CECR2: variants seen among roughly 807,000 people sequenced by gnomAD.
CECR2 encodes the protein chromatin remodeling regulator CECR2.
CECR2 carries 30 observed loss-of-function variants against 154.5 expected under a neutral mutation model. The ratio of observed to expected loss-of-function variants is 0.19; its 90% CI spans 0.15 to 0.26. The LOEUF (loss-of-function observed/expected upper bound fraction) is 0.26, where lower values mean the gene tolerates loss of function less well. Among genes scored for constraint, CECR2 ranks in the 10% least tolerant of loss-of-function variants. The pLI is 1.00. For missense variants in CECR2, 1,743 were observed against 1,829.3 expected, an observed-to-expected ratio of 0.95 and a Z score of 0.86; for synonymous variants, 725 against 683.7, an observed-to-expected ratio of 1.06 and a Z score of -0.94.
At chr22:17,537,925 TG>T in intron 10 of CECR2, among the ~76,000 whole-genome samples, 1 of 145,532 alleles carries the variant, frequency 6.9e-6, no homozygotes, top group Non-Finnish European at 1.5e-5. Flanking sequence ...ACTCAGGAGG[TG>T]GGGGTTGCAG....
chr22:17,535,494 T>TA (rs2056424777), intron 9 of CECR2, among the ~76,000 whole-genome samples: 2 of 152,190 alleles, frequency 1.3e-5, no homozygotes, highest in Admixed American at 6.5e-5. Context: ...ACTTTGTTGA[T>TA]ACTATTGTTT....
At chr22:17,537,048 G>A (rs2056447715) in intron 9 of CECR2, 55 bp from the exon 10 acceptor site, 13 of 1,597,432 alleles carry the variant, frequency 8.1e-6, no homozygotes, top group South Asian at 5.6e-5. Context: ...GAAGGAACAC[G>A]CCATGTCAGT....
At chr22:17,370,859 C>G (rs1337013275) in intron 1 of CECR2, among the ~76,000 whole-genome samples, 5 of 152,200 alleles carry the variant, frequency 3.3e-5, no homozygotes, top group African/African-American at 1.2e-4. Flanking sequence ...GATTGGTTGG[C>G]AGGTTGAATT....
intron 1 of CECR2, among the ~76,000 whole-genome samples, chr22:17,389,829 T>C (rs899925680): frequency 8.5e-5 from 13 of 152,082 alleles, no homozygotes; most frequent in Admixed American, 7.2e-4. Context: ...GGTTTTGCCA[T>C]GTTAGCCAGG....
At chr22:17,499,121 C>T (rs906673939) in intron 3 of CECR2, among the ~76,000 whole-genome samples, 1 of 152,078 alleles carries the variant, frequency 6.6e-6, no homozygotes, top group Admixed American at 6.6e-5. Context: ...TCCCGAGTAG[C>T]TGGGATTACA....
chr22:17,456,118 G>A (rs1425481631), intron 1 of CECR2, among the ~76,000 whole-genome samples: 1 of 150,930 alleles, frequency 6.6e-6, no homozygotes, highest in African/African-American at 2.5e-5. Flanking sequence ...ACCCCTACAT[G>A]TTTAGTCAAT....
intron 2 of CECR2, among the ~76,000 whole-genome samples, chr22:17,480,063 A>G (rs775716721): frequency 4.6e-5 from 7 of 152,094 alleles, no homozygotes; most frequent in Non-Finnish European, 8.8e-5. Context: ...CCTTGCCCCT[A>G]CAAGTATTTA....
chr22:17,477,060 G>C (rs1241598762), intron 1 of CECR2: 1 of 712,274 alleles, frequency 1.4e-6, no homozygotes, highest in South Asian at 1.5e-5. Context: ...TGTAGGTGTG[G>C]CATCCCAAAA....
chr22:17,427,672 T>C (rs1281388196), intron 1 of CECR2, among the ~76,000 whole-genome samples: 3 of 152,026 alleles, frequency 2.0e-5, no homozygotes, highest in Non-Finnish European at 4.4e-5. Context: ...GCTTCCACAG[T>C]GTGGAAGGGG....
chr22:17,424,912 CTTG>C (rs531073637), intron 1 of CECR2: 1 of 152,302 alleles, frequency 6.6e-6, no homozygotes, highest in African/African-American at 2.4e-5. Flanking sequence ...ATATTGATTG[CTTG>C]CTTTTTACTA....
intron 1 of CECR2, among the ~76,000 whole-genome samples, chr22:17,428,972 A>G (rs933858158): frequency 1.3e-5 from 2 of 152,064 alleles, no homozygotes; most frequent in African/African-American, 4.8e-5. Context: ...GATAGCTTAT[A>G]GTGGTACCAG....
At chr22:17,444,296 C>T (rs534225361) in intron 1 of CECR2, among the ~76,000 whole-genome samples, 82 of 152,292 alleles carry the variant, frequency 5.4e-4, no homozygotes, top group African/African-American at 1.9e-3. Flanking sequence ...TATGAATAAG[C>T]AACTCTTTTA....
Position 17,511,839 on chromosome 22 carries a change from A to C in CECR2, c.897A>C (p.Ala299=). ...GAAAACGTCCACAGCGCACAAAGGCAGAGTTGCATCCTAGGTGGATGTCTG... is the reference window on the plus strand; with the variant it reads ...GAAAACGTCCACAGCGCACAAAGGCCGAGTTGCATCCTAGGTGGATGTCTG... ...QKGKRPQRTK[A]ELHPRWMSDH... Residue 299 remains alanine, a synonymous_variant, in exon 8 of 19, where the codon GCA becomes GCC. Transcript: ENST00000262608. 1 of 1,612,646 alleles carries C rather than the reference A, an allele frequency of 6.2e-7. No individual in the cohort carries two copies. The highest frequency in any genetic ancestry group is 8.5e-7 in the Non-Finnish European group (1 of 1,179,086).
chr22:17,379,735 T>C (rs1193113546), intron 1 of CECR2, among the ~76,000 whole-genome samples: 4 of 152,164 alleles, frequency 2.6e-5, no homozygotes, highest in African/African-American at 7.2e-5. Flanking sequence ...TGATTTTTCA[T>C]GTTTAATTTT....
chr22:17,482,075 A>G (rs113765882), intron 2 of CECR2, among the ~76,000 whole-genome samples: 2 of 133,562 alleles, frequency 1.5e-5, no homozygotes, highest in African/African-American at 5.8e-5. Flanking sequence ...AGATCACGCC[A>G]CTGCTCTCCA....
chr22:17,517,211 C>T (rs1213547887), intron 8 of CECR2, among the ~76,000 whole-genome samples: 2 of 152,142 alleles, frequency 1.3e-5, no homozygotes, highest in African/African-American at 4.8e-5. Context: ...TGGCACATCC[C>T]CCATCGCACA....
chr22:17,489,439 G>A (rs2055485321), intron 2 of CECR2, among the ~76,000 whole-genome samples: 1 of 152,030 alleles, frequency 6.6e-6, no homozygotes. Flanking sequence ...TTTTAAATTA[G>A]GGATGCTTAT....
At chr22:17,374,745 G>C (rs1302668235) in intron 1 of CECR2, among the ~76,000 whole-genome samples, 1 of 152,166 alleles carries the variant, frequency 6.6e-6, no homozygotes, top group African/African-American at 2.4e-5. Context: ...CGTAGTACTT[G>C]GTACATTTTC....
chr22:17,505,897 T>G (rs140892267), intron 7 of CECR2, among the ~76,000 whole-genome samples: 1 of 141,474 alleles, frequency 7.1e-6, no homozygotes, highest in East Asian at 2.3e-4. Flanking sequence ...CAGACTGGAA[T>G]GCAGTAGTGT....
Sources: allele counts gnomAD v4.1 joint callset (sites outside exome capture counted in the v4.1 genomes callset), GRCh38; gene constraint gnomAD v4.1.1; transcripts MANE v1.5; gene names NCBI Gene and HGNC (gene_info 2026-07-23, HGNC 2026-07-21).